RAB40B: variants seen among roughly 807,000 people sequenced by gnomAD.
RAB40B encodes RAB40B, member RAS oncogene family.
In RAB40B, 21 loss-of-function variants were observed where a neutral mutation model predicts 24.0. The observed-to-expected ratio is 0.88, with a 90% CI of 0.62 to 1.26. The LOEUF (loss-of-function observed/expected upper bound fraction) is 1.26, where lower values mean the gene tolerates loss of function less well. RAB40B is among the 50% of genes most tolerant of loss of function. The pLI is 0.00. For synonymous variants in RAB40B, 167 were observed against 169.8 expected, an observed-to-expected ratio of 0.98 and a Z score of 0.13; for missense variants, 348 against 390.5, an observed-to-expected ratio of 0.89 and a Z score of 0.92.
At position 82,665,723 on chromosome 17, in the gene RAB40B, C is replaced by T. The variant is rs191531958; in HGVS notation, c.143-1167G>A. ...CTCTACTAAAAATTCAAAAATTAGC[C>T]GGGTGTGGTGGCGGGCTCCTGGAAT... On this transcript the variant is annotated intron_variant, in intron 1 of 5. Transcript: ENST00000571995. 5.2e-4 allele frequency among the ~76,000 whole-genome samples: 79 copies of T among 151,924 alleles called. 1 individual carries two copies. In the East Asian group the frequency reaches 8.6e-3, roughly 16 times the overall value.
At position 82,657,836 on chromosome 17, in the gene RAB40B, T is replaced by C. The variant is rs747782623; in HGVS notation, c.*27A>G. ...AACGCCGAGCTTCTCCTGGAGAGATTCCGCCGTGTTTCTTTCAGTGCCTTC... is the reference window on the plus strand; with the variant it reads ...AACGCCGAGCTTCTCCTGGAGAGATCCCGCCGTGTTTCTTTCAGTGCCTTC... On this transcript the variant is annotated 3_prime_UTR_variant, in exon 6 of 6. Transcript: ENST00000571995. 1.9e-6 allele frequency: 3 copies of C among 1,588,020 alleles called. No homozygotes were observed. The highest frequency in any genetic ancestry group is 2.2e-5 in the South Asian group (2 of 90,518).
intron 1 of RAB40B, among the ~76,000 whole-genome samples, chr17:82,674,285 G>GC (rs2046371246): frequency 6.6e-6 from 1 of 151,158 alleles, no homozygotes; most frequent in South Asian, 2.1e-4. Context: ...GTTGCAGTGA[G>GC]CCAAGATCGC....
intron 1 of RAB40B, among the ~76,000 whole-genome samples, chr17:82,676,225 C>T (rs2046392013): frequency 7.6e-6 from 1 of 131,954 alleles, no homozygotes; most frequent in Non-Finnish European, 1.6e-5. Flanking sequence ...CCTCTGTGGT[C>T]ACACACAGTG....
At chr17:82,677,508 C>T (rs2046406211) in intron 1 of RAB40B, among the ~76,000 whole-genome samples, 1 of 152,176 alleles carries the variant, frequency 6.6e-6, no homozygotes, top group Admixed American at 6.5e-5. Context: ...CTGATGTGTC[C>T]CCCTTGCCAC....
At position 82,692,389 on chromosome 17, in the gene RAB40B, C is replaced by T. The variant is rs2254862; in HGVS notation, c.142+6066G>A. Among the ~76,000 whole-genome samples the T allele has an allele frequency of 2.0e-5, 3 of 152,080 alleles. No individual in the cohort carries two copies. The highest frequency in any genetic ancestry group is 4.1e-4 in the South Asian group (2 of 4,834). On this transcript the variant is annotated intron_variant, in intron 1 of 5. Transcript: ENST00000571995. This position sits in a 1 kb window ranked among gnomAD's most constrained non-coding sequence, Gnocchi z 4.0. ...AGAATCCAGGCCTCGCTGACCGTAT[C>T]GGAGCAAAGGGAACACCTGGGCACA...
At chr17:82,684,689 T>C (rs1402799729) in intron 1 of RAB40B, among the ~76,000 whole-genome samples, 1 of 152,184 alleles carries the variant, frequency 6.6e-6, no homozygotes, top group Non-Finnish European at 1.5e-5. Flanking sequence ...GCCTCCGGGA[T>C]GCAGGCACGT....
At position 82,697,580 on chromosome 17, in the gene RAB40B, G is replaced by C. The variant is rs962909430; in HGVS notation, c.142+875C>G. 1.3e-5 allele frequency among the ~76,000 whole-genome samples: 2 copies of C among 152,190 alleles called. No homozygotes were observed. Among genetic ancestry groups the C allele is most frequent in the Non-Finnish European group, 2.9e-5 (2 of 68,030 alleles). Reference sequence around the variant, plus strand: ...GGGCTCCTTCCACAGCCTCAGGGTCGGCCTCGTCCAAGCTGTTCCAGGGAT... The same window carrying C: ...GGGCTCCTTCCACAGCCTCAGGGTCCGCCTCGTCCAAGCTGTTCCAGGGAT... On this transcript the variant is annotated intron_variant, in intron 1 of 5. Coordinates refer to ENST00000571995, the MANE Select transcript of RAB40B (RefSeq NM_006822.3). This position sits in a 1 kb window ranked among gnomAD's most constrained non-coding sequence, Gnocchi z 4.9.
chr17:82,677,595 G>A (rs141105430), intron 1 of RAB40B, among the ~76,000 whole-genome samples: 1,544 of 152,218 alleles, frequency 0.01, 15 homozygotes, highest in African/African-American at 0.034. Flanking sequence ...CTGTGGACTC[G>A]GCCTTTCCCA....
intron 1 of RAB40B, among the ~76,000 whole-genome samples, chr17:82,678,107 G>GT (rs917604249): frequency 5.3e-5 from 8 of 151,940 alleles, no homozygotes; most frequent in Admixed American, 6.6e-5. Context: ...AGTCTTTGCA[G>GT]TTTTTTTTGT....
intron 2 of RAB40B, chr17:82,662,196 C>T (rs1207847046): frequency 1.7e-5 from 17 of 985,434 alleles, no homozygotes; most frequent in Admixed American, 6.1e-5. Context: ...AGGGGACCAG[C>T]GACACTGGCC....
At position 82,665,258 on chromosome 17, in the gene RAB40B, C is replaced by CT. The variant is rs11326382; in HGVS notation, c.143-703dup. On this transcript the variant is annotated intron_variant, in intron 1 of 5. Coordinates refer to ENST00000571995, the MANE Select transcript of RAB40B (RefSeq NM_006822.3). ...AAAACCCGAGAATGCCTTTCTTCTT[C>CT]TTTTTTTTTTTTGAGACAGAGTTTC... Among the ~76,000 whole-genome samples the CT allele has an allele frequency of 5.2e-3, 744 of 143,270 alleles. 6 individuals carry two copies. The highest frequency in any genetic ancestry group is 0.018 in the African/African-American group (704 of 38,832). The allele number at this position is 143,270 out of a possible 152,430, so 94.0% of individuals were successfully genotyped here.
intron 2 of RAB40B, among the ~76,000 whole-genome samples, chr17:82,664,253 GC>G (rs1404033683): frequency 7.4e-6 from 1 of 136,000 alleles, no homozygotes; most frequent in African/African-American, 2.8e-5. Context: ...TCCCTGGGGT[GC>G]TGGGCCGATG....
intron 1 of RAB40B, among the ~76,000 whole-genome samples, chr17:82,668,019 C>T (rs1218667758): frequency 6.6e-6 from 1 of 152,172 alleles, no homozygotes; most frequent in Non-Finnish European, 1.5e-5. Context: ...GTCCTGCATC[C>T]AGGAAGAATG....
At chr17:82,662,939 G>A (rs948617864) in intron 2 of RAB40B, among the ~76,000 whole-genome samples, 2 of 151,866 alleles carry the variant, frequency 1.3e-5, no homozygotes, top group African/African-American at 4.8e-5. Flanking sequence ...CGGCCTTTGG[G>A]TGGCCTTGGC....
chr17:82,662,588 TGGGGTCCACACTCC>T (rs2046188183), intron 2 of RAB40B: 2 of 985,094 alleles, frequency 2.0e-6, no homozygotes, highest in African/African-American at 3.5e-5. Context: ...GACCACACTC[TGGGGTCCACACTCC>T]GGGGTCCACG....
rs986839813 is a variant in RAB40B at position 82,662,142 on chromosome 17, C to T, written c.204-1095G>A. The T allele has an allele frequency of 2.8e-5, 28 of 985,316 alleles. No individual in the cohort carries two copies. In the Admixed American group the frequency reaches 3.7e-4, roughly 13 times the overall value. 61.0% of individuals were successfully genotyped at this position (985,316 alleles called of 1,614,324 possible). ...TGTTTGTGTCACATGCACCTGTGGT[C>T]GGTGACCACCCTCAGCACGAGAGAG... On this transcript the variant is annotated intron_variant, in intron 2 of 5. Transcript: ENST00000571995.
rs1353736501 is a variant in RAB40B, at chr17:82,692,992, T to C, written c.142+5463A>G. Reference sequence around the variant, plus strand: ...ATAAGACTTGGGCATTTTTCTTCTTTCTGTTTCTATTTTTTTTCTTTTTTT... The same window carrying C: ...ATAAGACTTGGGCATTTTTCTTCTTCCTGTTTCTATTTTTTTTCTTTTTTT... On this transcript the variant is annotated intron_variant, in intron 1 of 5. Transcript: ENST00000571995. The surrounding 1 kb of genome is among the most constrained non-coding windows in gnomAD (Gnocchi z 4.0). Among the ~76,000 whole-genome samples the C allele has an allele frequency of 6.6e-6, 1 of 151,406 alleles. No individual in the cohort carries two copies. Among genetic ancestry groups the C allele is most frequent in the African/African-American group, 2.4e-5 (1 of 41,160 alleles).
At chr17:82,662,930 G>A (rs1337923126) in intron 2 of RAB40B, among the ~76,000 whole-genome samples, 3 of 152,142 alleles carry the variant, frequency 2.0e-5, no homozygotes, top group African/African-American at 4.8e-5. Context: ...GGCCGAGTGC[G>A]GCCTTTGGGT....
At chr17:82,690,909 G>A (rs1251178249) in intron 1 of RAB40B, among the ~76,000 whole-genome samples, 4 of 152,200 alleles carry the variant, frequency 2.6e-5, no homozygotes, top group African/African-American at 7.2e-5. Context: ...GAGTGGGCAC[G>A]CATGTCCCAG....
Sources: gnomAD v4.1 joint callset for allele counts (sites outside exome capture counted in the v4.1 genomes callset) on GRCh38, gnomAD v4.1.1 for gene constraint, Gnocchi (gnomAD v3.1) non-coding constraint, MANE v1.5 for transcripts, NCBI Gene and HGNC (gene_info 2026-07-23, HGNC 2026-07-21) for gene names.